NRXN3: variants seen among roughly 807,000 people sequenced by gnomAD.
The protein encoded by NRXN3 is neurexin 3.
Under a neutral mutation model 137.6 loss-of-function variants are expected in NRXN3, and 32 were observed. That is an observed-to-expected ratio of 0.23 (90% confidence interval 0.18 to 0.31). The LOEUF is 0.31. NRXN3 is among the 10% of genes least tolerant of loss of function. The pLI is 1.00. For synonymous variants in NRXN3, 798 were observed against 784.5 expected (o/e 1.02, Z -0.29); for missense variants, 1,574 against 2,062.5 (o/e 0.76, Z 4.59).
chr14:78,197,889 T>C (rs1406386052), intron 1 of NRXN3, among the ~76,000 whole-genome samples: 1 of 152,214 alleles, frequency 6.6e-6, no homozygotes, highest in African/African-American at 2.4e-5. Context: ...CCTTTTCTGT[T>C]GTCCATTCCA....
intron 4 of NRXN3, among the ~76,000 whole-genome samples, chr14:78,603,592 C>G (rs527713177): frequency 4.5e-4 from 68 of 152,300 alleles, no homozygotes; most frequent in African/African-American, 1.6e-3. Context: ...TCTTGAAAGA[C>G]CTCTAAACAG....
intron 10 of NRXN3, among the ~76,000 whole-genome samples, chr14:78,947,272 C>T (rs1461012720): frequency 6.6e-6 from 1 of 152,188 alleles, no homozygotes; most frequent in Non-Finnish European, 1.5e-5. Flanking sequence ...AAAGAGGCTG[C>T]AAATATCCCT....
At chr14:78,402,487 T>C (rs2092160699) in intron 4 of NRXN3, among the ~76,000 whole-genome samples, 1 of 152,212 alleles carries the variant, frequency 6.6e-6, no homozygotes, top group South Asian at 2.1e-4. Flanking sequence ...TTACCATTCC[T>C]TCTAAGACTT....
At chr14:79,347,573 C>T (rs1335841713) in intron 15 of NRXN3, among the ~76,000 whole-genome samples, 1 of 152,084 alleles carries the variant, frequency 6.6e-6, no homozygotes, top group African/African-American at 2.4e-5. Context: ...AGGCACGTGC[C>T]ACCACCCCTG....
At chr14:78,758,186 G>T (rs1001756429) in intron 8 of NRXN3, among the ~76,000 whole-genome samples, 16 of 152,188 alleles carry the variant, frequency 1.1e-4, no homozygotes, top group African/African-American at 3.9e-4. Flanking sequence ...CTTTATAATT[G>T]TGTGGCTTCG....
intron 19 of NRXN3, among the ~76,000 whole-genome samples, chr14:79,724,611 C>T (rs1273301309): frequency 6.6e-6 from 1 of 152,162 alleles, no homozygotes; most frequent in Non-Finnish European, 1.5e-5. Flanking sequence ...AAGTAAATCT[C>T]AGTATTCTGC....
At chr14:78,690,655 T>C (rs2098163453) in intron 6 of NRXN3, among the ~76,000 whole-genome samples, 1 of 152,136 alleles carries the variant, frequency 6.6e-6, no homozygotes, top group Non-Finnish European at 1.5e-5. Context: ...AGATTGGATA[T>C]GGAATTAAAT....
At chr14:79,197,274 G>A (rs548664727) in intron 15 of NRXN3, among the ~76,000 whole-genome samples, 86 of 152,322 alleles carry the variant, frequency 5.6e-4, no homozygotes, top group South Asian at 2.5e-3. Context: ...TTAGGCAAAT[G>A]TGACTTCATA....
At chr14:78,289,514 C>CT (rs1462899866) in intron 3 of NRXN3, among the ~76,000 whole-genome samples, 2 of 151,890 alleles carry the variant, frequency 1.3e-5, no homozygotes, top group African/African-American at 4.8e-5. Flanking sequence ...CATTCTGACT[C>CT]TTTTTTATGG....
intron 4 of NRXN3, among the ~76,000 whole-genome samples, chr14:78,317,270 G>T (rs777776561): frequency 3.3e-5 from 5 of 152,288 alleles, no homozygotes; most frequent in Middle Eastern, 3.4e-3. Flanking sequence ...CCAGGCTGTG[G>T]ACCAGTGGTG....
chr14:79,288,121 G>GCCAA (rs1376825391), intron 15 of NRXN3, among the ~76,000 whole-genome samples: 1 of 152,178 alleles, frequency 6.6e-6, no homozygotes, highest in African/African-American at 2.4e-5. Flanking sequence ...AATAACTTAT[G>GCCAA]CCAAAGCCAT....
At chr14:79,679,133 T>G (rs548268485) in intron 17 of NRXN3, among the ~76,000 whole-genome samples, 1 of 152,212 alleles carries the variant, frequency 6.6e-6, no homozygotes, top group South Asian at 2.1e-4. Flanking sequence ...AATCATGGAT[T>G]TTTTTCTTAC....
chr14:78,174,830 G>A (rs1024505617), intron 1 of NRXN3, among the ~76,000 whole-genome samples: 8 of 152,180 alleles, frequency 5.3e-5, no homozygotes, highest in Non-Finnish European at 1.2e-4. Flanking sequence ...TCCACCAAGC[G>A]AACCCGTGGG....
rs116683522 is a variant in NRXN3 at position 79,348,860 on chromosome 14, C to A, written c.3263-118361C>A. ...TTGCACCTAGCTCCACTACGTAGTCCATCACATTTCATAGGGCGATTTCTC... is the reference window on the plus strand; with the variant it reads ...TTGCACCTAGCTCCACTACGTAGTCAATCACATTTCATAGGGCGATTTCTC... On this transcript the variant is annotated intron_variant, in intron 15 of 20. Coordinates refer to ENST00000335750, the MANE Select transcript of NRXN3 (RefSeq NM_001330195.2). Among the ~76,000 whole-genome samples, 956 of 152,254 alleles carry A rather than the reference C, an allele frequency of 6.3e-3. 7 individuals are homozygous for A. Among genetic ancestry groups the A allele is most frequent in the African/African-American group, 0.022 (907 of 41,534 alleles).
intron 15 of NRXN3, among the ~76,000 whole-genome samples, chr14:79,005,868 G>T (rs375076644): frequency 1.3e-5 from 2 of 152,042 alleles, no homozygotes; most frequent in Non-Finnish European, 2.9e-5. Flanking sequence ...AAACGAGTGG[G>T]TTTCTTACTC....
chr14:79,503,206 T>C (rs1229524186), intron 16 of NRXN3, among the ~76,000 whole-genome samples: 1 of 152,204 alleles, frequency 6.6e-6, no homozygotes, highest in African/African-American at 2.4e-5. Context: ...TTGATTTCTG[T>C]TTTGTATATC....
At chr14:79,375,453 G>T (rs1448215879) in intron 15 of NRXN3, among the ~76,000 whole-genome samples, 1 of 151,972 alleles carries the variant, frequency 6.6e-6, no homozygotes, top group Non-Finnish European at 1.5e-5. Flanking sequence ...GAAGTCTCAG[G>T]AGTGTCTTTG....
intron 10 of NRXN3, among the ~76,000 whole-genome samples, chr14:78,919,159 CTT>C (rs1366640436): frequency 6.6e-6 from 1 of 152,126 alleles, no homozygotes; most frequent in Non-Finnish European, 1.5e-5. Context: ...TCTTCTAAAA[CTT>C]TTGACCTATT....
intron 1 of NRXN3, among the ~76,000 whole-genome samples, chr14:78,189,264 C>T (rs572101820): frequency 2.0e-4 from 31 of 152,326 alleles, no homozygotes; most frequent in African/African-American, 7.2e-4. Context: ...TACTGTGCTC[C>T]TGCTCCCACT....
Sources: allele counts gnomAD v4.1 joint callset (sites outside exome capture counted in the v4.1 genomes callset), GRCh38; gene constraint gnomAD v4.1.1; transcripts MANE v1.5; gene names NCBI Gene and HGNC (gene_info 2026-07-23, HGNC 2026-07-21).